The following CACNG3 variants were observed in gnomAD, a reference collection of about 807,000 sequenced individuals.
The protein encoded by CACNG3 is calcium voltage-gated channel auxiliary subunit gamma 3.
CACNG3 carries 3 observed loss-of-function variants against 28.5 expected under a neutral mutation model. The observed-to-expected ratio is 0.11, with a 90% CI of 0.05 to 0.27. The LOEUF is 0.27. Ranked by LOEUF, CACNG3 falls within the 10% of genes least tolerant of loss-of-function variation. The probability of loss-of-function intolerance (pLI) is 1.00; values close to 1 mark genes in which losing one functional copy is unlikely to be tolerated. For synonymous variants in CACNG3, 174 were observed against 162.2 expected, an observed-to-expected ratio of 1.07 and a Z score of -0.55; for missense variants, 236 against 414.4, an observed-to-expected ratio of 0.57 and a Z score of 3.74.
At chr16:24,311,220 ATTAAAAAGTAC>A (rs1217154236) in intron 1 of CACNG3, among the ~76,000 whole-genome samples, 2 of 152,222 alleles carry the variant, frequency 1.3e-5, no homozygotes, top group African/African-American at 4.8e-5. Flanking sequence ...GTAAGGTGCC[ATTAAAAAGTAC>A]CAAGTGCGGT....
At chr16:24,310,373 G>C (rs1899244100) in intron 1 of CACNG3, among the ~76,000 whole-genome samples, 1 of 152,144 alleles carries the variant, frequency 6.6e-6, no homozygotes. Flanking sequence ...AGACCAGCCT[G>C]GCCAACATGA....
chr16:24,265,455 G>GAA (rs1055358899), intron 1 of CACNG3, among the ~76,000 whole-genome samples: 1 of 137,058 alleles, frequency 7.3e-6, no homozygotes, highest in African/African-American at 2.7e-5. Context: ...GAAAAAGAAA[G>GAA]AAGAAGGAAG....
At chr16:24,322,473 A>G (rs981747850) in intron 1 of CACNG3, among the ~76,000 whole-genome samples, 1 of 152,010 alleles carries the variant, frequency 6.6e-6, no homozygotes, top group Non-Finnish European at 1.5e-5. Flanking sequence ...TTTAGTTGCC[A>G]TTTTTATTGA....
intron 1 of CACNG3, among the ~76,000 whole-genome samples, chr16:24,262,819 T>C (rs1268562411): frequency 1.3e-5 from 2 of 152,264 alleles, no homozygotes; most frequent in Non-Finnish European, 2.9e-5. Context: ...CTTTCAGTTG[T>C]TTCAATCTCT....
intron 1 of CACNG3, among the ~76,000 whole-genome samples, chr16:24,301,272 A>G (rs1464198831): frequency 6.6e-6 from 1 of 152,026 alleles, no homozygotes; most frequent in East Asian, 1.9e-4. Context: ...TTTATATTAA[A>G]AAGGGGTCCC....
intron 1 of CACNG3, among the ~76,000 whole-genome samples, chr16:24,292,578 C>T (rs1898979925): frequency 1.3e-5 from 2 of 152,098 alleles, no homozygotes; most frequent in African/African-American, 4.8e-5. Context: ...TCTTTTTCCT[C>T]CTCTCTCTCC....
chr16:24,271,030 T>C (rs910870609), intron 1 of CACNG3, among the ~76,000 whole-genome samples: 1 of 152,124 alleles, frequency 6.6e-6, no homozygotes, highest in Admixed American at 6.5e-5. Flanking sequence ...TTTAGGATAG[T>C]GCAGGCCGGG....
At chr16:24,338,926 T>C (rs1899745450) in intron 1 of CACNG3, among the ~76,000 whole-genome samples, 1 of 152,210 alleles carries the variant, frequency 6.6e-6, no homozygotes, top group Non-Finnish European at 1.5e-5. Flanking sequence ...TTGTTCATTC[T>C]CTCATCATCA....
Position 24,281,831 on chromosome 16 carries a change from C to T in CACNG3, c.211+24866C>T, listed in dbSNP as rs1898833002. Among the ~76,000 whole-genome samples, 3 of 152,344 alleles carry T rather than the reference C, an allele frequency of 2.0e-5. No homozygotes were observed. The South Asian group carries it at 6.2e-4, about 32-fold the overall frequency. On this transcript the variant is annotated intron_variant, in intron 1 of 3. Transcript: ENST00000005284. Reference sequence around the variant, plus strand: ...TTTGAGATAGGTGCTATTGTCATCACTCTTTTAACGTTGAGGAAAACAAAA... The same window carrying T: ...TTTGAGATAGGTGCTATTGTCATCATTCTTTTAACGTTGAGGAAAACAAAA...
intron 1 of CACNG3, among the ~76,000 whole-genome samples, chr16:24,284,530 A>G (rs1307497158): frequency 2.0e-5 from 3 of 152,118 alleles, no homozygotes; most frequent in Non-Finnish European, 2.9e-5. Flanking sequence ...CTTGTCTCCG[A>G]CTGCATTTAT....
chr16:24,307,310 C>T lies in CACNG3; in HGVS notation c.212-39424C>T, dbSNP rs566494433. 2.2e-3 allele frequency among the ~76,000 whole-genome samples: 335 copies of T among 152,124 alleles called. 2 individuals are homozygous for T. The highest frequency in any genetic ancestry group is 3.8e-3 in the Non-Finnish European group (261 of 68,000). ...CTAATTTTTGTATTTTTAGTAGAGA[C>T]GGGGTTTCACCATGTTGGCCAGGTT... On this transcript the variant is annotated intron_variant, in intron 1 of 3. Coordinates refer to ENST00000005284, the MANE Select transcript of CACNG3 (RefSeq NM_006539.4).
chr16:24,273,502 T>G (rs1433851590), intron 1 of CACNG3, among the ~76,000 whole-genome samples: 1 of 152,350 alleles, frequency 6.6e-6, no homozygotes, highest in South Asian at 2.1e-4. Context: ...GTATTTTTAC[T>G]TTTTCATCAT....
At chr16:24,274,880 T>C (rs995765808) in intron 1 of CACNG3, among the ~76,000 whole-genome samples, 18 of 152,268 alleles carry the variant, frequency 1.2e-4, no homozygotes, top group African/African-American at 4.1e-4. Flanking sequence ...TTGTCCCAAA[T>C]TCTCGAGACA....
At chr16:24,352,737 G>T (rs1899969727) in intron 2 of CACNG3, among the ~76,000 whole-genome samples, 1 of 152,208 alleles carries the variant, frequency 6.6e-6, no homozygotes, top group Non-Finnish European at 1.5e-5. Flanking sequence ...ATGGGGTTTT[G>T]CCATGTTGCC....
In CACNG3 at chr16:24,346,779, A is replaced by T; in HGVS notation, c.257A>T (p.Asp86Val). Residue 86 changes from aspartate to valine, a missense_variant, in exon 2 of 4, where the codon GAT (aspartate) becomes GTT (valine). Coordinates refer to ENST00000005284, the MANE Select transcript of CACNG3 (RefSeq NM_006539.4). ...VCKKIDHFPE[D>V]ADYEQDTAEY... ...AAGAAAATCGATCACTTCCCTGAAG[A>T]TGCTGACTACGAACAGGACACAGCC... 1 of 1,614,154 alleles carries T rather than the reference A, an allele frequency of 6.2e-7. No individual in the cohort carries two copies. Among genetic ancestry groups the T allele is most frequent in the Non-Finnish European group, 8.5e-7 (1 of 1,179,990 alleles).
At chr16:24,316,851 A>G (rs1359608159) in intron 1 of CACNG3, among the ~76,000 whole-genome samples, 1 of 152,244 alleles carries the variant, frequency 6.6e-6, no homozygotes, top group Admixed American at 6.5e-5. Context: ...AACTAACAGC[A>G]TATTTCAAAA....
intron 2 of CACNG3, among the ~76,000 whole-genome samples, chr16:24,353,842 A>C (rs1015456521): frequency 6.6e-6 from 1 of 152,172 alleles, no homozygotes; most frequent in African/African-American, 2.4e-5. Flanking sequence ...GTCTGATGGG[A>C]GTCCCTGTAT....
chr16:24,299,389 G>A (rs1202900590), intron 1 of CACNG3, among the ~76,000 whole-genome samples: 1 of 152,046 alleles, frequency 6.6e-6, no homozygotes, highest in Admixed American at 6.6e-5. Flanking sequence ...TGAGTATTTT[G>A]AACACATCCT....
At chr16:24,335,633 A>G (rs1899693097) in intron 1 of CACNG3, among the ~76,000 whole-genome samples, 2 of 152,154 alleles carry the variant, frequency 1.3e-5, no homozygotes, top group Non-Finnish European at 2.9e-5. Context: ...AAACCCGCTC[A>G]TTCTGGCTCC....
Sources: allele counts gnomAD v4.1 joint callset (sites outside exome capture counted in the v4.1 genomes callset), GRCh38; gene constraint gnomAD v4.1.1; transcripts MANE v1.5; gene names NCBI Gene and HGNC (gene_info 2026-07-23, HGNC 2026-07-21).